The following TGFB3 variants were observed in gnomAD, a reference collection of about 807,000 sequenced individuals.
TGFB3 encodes the protein transforming growth factor beta-3 proprotein.
Under a neutral mutation model 40.1 loss-of-function variants are expected in TGFB3, and 5 were observed. That is an observed-to-expected ratio of 0.12 (90% CI 0.07 to 0.26). TGFB3 has a LOEUF of 0.26. Ranked by LOEUF, TGFB3 falls within the 10% of genes least tolerant of loss-of-function variation. The probability of loss-of-function intolerance (pLI) is 1.00; values close to 1 mark genes in which losing one functional copy is unlikely to be tolerated. For missense variants in TGFB3, 373 were observed against 530.1 expected (o/e 0.70, Z 2.91); for synonymous variants, 184 against 205.6 (o/e 0.89, Z 0.90).
rs775486607 is a variant in TGFB3 at position 75,965,695 on chromosome 14, T to C, written c.647A>G (p.Glu216Gly). ...DTVREWLLRR[E>G]SNLGLEISIH... ...GCTGATTTCTAGACCTAAGTTGGACTCTGCAAAATAAGACAGAATTAGTGA... is the reference window on the plus strand; with the variant it reads ...GCTGATTTCTAGACCTAAGTTGGACCCTGCAAAATAAGACAGAATTAGTGA... The change falls in exon 4 of 7, where the codon GAG becomes GGG. Residue 216 changes from glutamate to glycine, a missense_variant and splice_region_variant. By Grantham distance (98) the Glu-to-Gly change is moderately conservative. Transcript: ENST00000238682. 5 of 1,613,314 alleles carry C rather than the reference T, an allele frequency of 3.1e-6. No individual in the cohort carries two copies. Among genetic ancestry groups the C allele is most frequent in the Non-Finnish European group, 4.2e-6 (5 of 1,179,218 alleles).
At chr14:75,963,206 G>A in intron 5 of TGFB3, 110 bp downstream of exon 5, 1 of 1,214,888 alleles carries the variant, frequency 8.2e-7, no homozygotes, top group Non-Finnish European at 1.2e-6. Context: ...AGATGTTTGT[G>A]AATAGCATCA....
chr14:75,966,080 GGA>G (rs1484539706), intron 3 of TGFB3: 2 of 332,694 alleles, frequency 6.0e-6, no homozygotes, highest in South Asian at 2.5e-5. Flanking sequence ...ATGGTTTTTG[GGA>G]GAGGGGATCG....
rs2035180646 is a variant in TGFB3 at position 75,963,335 on chromosome 14, C to G, written c.907G>C (p.Asp303His). 6.2e-7 allele frequency: 1 copy of G among 1,614,112 alleles called. No individual in the cohort carries two copies. Among genetic ancestry groups the G allele is most frequent in the East Asian group, 2.2e-5 (1 of 44,880 alleles). ...TCTCACCGGAAGCAGTAATTGGTGT[C>G]CAAAGCCCGCTTCTTCCTCTGACCC... ...QGGQRKKRAL[D>H]TNYCFRNLEE... The change falls in exon 5 of 7, where the codon GAC (aspartate) becomes CAC (histidine). Residue 303 changes from aspartate to histidine, a missense_variant. Transcript: ENST00000238682.
Position 75,979,088 on chromosome 14 carries a change from A to G in TGFB3, c.352+1454T>C, listed in dbSNP as rs2035389884. Among the ~76,000 whole-genome samples the G allele has an allele frequency of 6.6e-6, 1 of 152,140 alleles. No individual in the cohort carries two copies. The highest frequency in any genetic ancestry group is 2.1e-4 in the South Asian group (1 of 4,826). On this transcript the variant is annotated intron_variant, in intron 1 of 6. Transcript: ENST00000238682. This position sits in a 1 kb window ranked among gnomAD's most constrained non-coding sequence, Gnocchi z 4.8. ...CACCCAGAGACCCTGGGCAGGGAGT[A>G]GTAGCTCTGCATCGGCCTCCAGCCT...
chr14:75,981,956 CCT>C lies in TGFB3; in HGVS notation c.-1065_-1064del, dbSNP rs917254206. On this transcript the variant is annotated 5_prime_UTR_variant, in exon 1 of 7. An upstream open reading frame in the 5' UTR loses its in-frame stop. Transcript: ENST00000238682. The surrounding 1 kb of genome is among the most constrained non-coding windows in gnomAD (Gnocchi z 4.7). ...TCTCCCTCTCCCTCTCGCTCCTCTC[CCT>C]CTCTCTCTCACACACACACACATGC... 1.3e-5 allele frequency among the ~76,000 whole-genome samples: 2 copies of C among 151,370 alleles called. No individual in the cohort carries two copies. The highest frequency in any genetic ancestry group is 2.9e-5 in the Non-Finnish European group (2 of 67,846).
rs547543433 is a variant in TGFB3 at position 75,979,701 on chromosome 14, C to G, written c.352+841G>C. Among the ~76,000 whole-genome samples, 1 of 150,366 alleles carries G rather than the reference C, an allele frequency of 6.7e-6. No individual in the cohort carries two copies. ...ACGGCAGGCTCCCAGACATATCCCC[C>G]CCCCCCACCATGCACCCACTGCCAC... On this transcript the variant is annotated intron_variant, in intron 1 of 6. Transcript: ENST00000238682. This position sits in a 1 kb window ranked among gnomAD's most constrained non-coding sequence, Gnocchi z 4.8.
Position 75,971,247 on chromosome 14 carries a change from C to G in TGFB3, c.525G>C (p.Arg175=), listed in dbSNP as rs143617644. The part of the protein sequence containing the change: ...EQRIELFQIL[R]PDEHIAKQRY... ...GCTGTTTGGCAATGTGCTCATCTGG[C>G]CGAAGGATCTACAGGGCAGAGAAAG... Residue 175 remains arginine (R), a synonymous_variant, in exon 3 of 7, where the codon CGG becomes CGC. Transcript: ENST00000238682. The surrounding 1 kb of genome is among the most constrained non-coding windows in gnomAD (Gnocchi z 4.5). The G allele has an allele frequency of 4.3e-6, 7 of 1,613,980 alleles. No homozygotes were observed. In the African/African-American group the frequency reaches 9.3e-5, roughly 22 times the overall value.
intron 4 of TGFB3, among the ~76,000 whole-genome samples, chr14:75,964,861 G>T (rs1473554901): frequency 6.6e-6 from 1 of 152,156 alleles, no homozygotes; most frequent in Non-Finnish European, 1.5e-5. Flanking sequence ...TCACTGTCCA[G>T]CGCTGAGCCA....
chr14:75,960,777 C>A, intron 6 of TGFB3, 146 bp downstream of exon 6: 2 of 1,066,124 alleles, frequency 1.9e-6, no homozygotes, highest in Admixed American at 2.1e-5. Flanking sequence ...AGTCAGGGTG[C>A]CAAGATCAGA....
chr14:75,961,776 A>G (rs1216401153), intron 5 of TGFB3, among the ~76,000 whole-genome samples: 4 of 152,174 alleles, frequency 2.6e-5, no homozygotes, highest in Admixed American at 2.6e-4. Context: ...GGCAGACACC[A>G]TTGGTTATCT....
Position 75,980,795 on chromosome 14 carries a change from G to A in TGFB3, c.99C>T (p.Gly33=), listed in dbSNP as rs757663439. ...CTTCCACCCTCTTCTTCTTGATGTG[G>A]CCGAAGTCCAAGGTGGTGCAAGTGG... ...SLSTCTTLDF[G]HIKKKRVEAI... Residue 33 remains glycine, a synonymous_variant, in exon 1 of 7, where the codon GGC becomes GGT. Transcript: ENST00000238682. This position sits in a 1 kb window ranked among gnomAD's most constrained non-coding sequence, Gnocchi z 4.3. 1 of 1,614,170 alleles carries A rather than the reference G, an allele frequency of 6.2e-7. No individual in the cohort carries two copies. The highest frequency in any genetic ancestry group is 8.5e-7 in the Non-Finnish European group (1 of 1,180,032).
At chr14:75,963,048 G>C in intron 5 of TGFB3, 1 of 562,928 alleles carries the variant, frequency 1.8e-6, no homozygotes, top group East Asian at 3.1e-5. Flanking sequence ...AACTATTTTA[G>C]CAACACTCCT....
intron 6 of TGFB3, 86 bp from the exon 7 acceptor site, chr14:75,959,431 C>A: frequency 6.4e-7 from 1 of 1,557,820 alleles, no homozygotes; most frequent in African/African-American, 1.4e-5. Flanking sequence ...GGGGCAGTCC[C>A]AGAAGCTGAG....
At chr14:75,964,531 C>T (rs1456882999) in intron 4 of TGFB3, among the ~76,000 whole-genome samples, 6 of 152,076 alleles carry the variant, frequency 3.9e-5, no homozygotes, top group Non-Finnish European at 7.4e-5. Context: ...ATCGATTTTG[C>T]GAAGGACAGC....
chr14:75,963,040 C>G, intron 5 of TGFB3: 1 of 548,056 alleles, frequency 1.8e-6, no homozygotes, highest in East Asian at 3.3e-5. Flanking sequence ...CCAATCCAAA[C>G]TATTTTAGCA....
intron 4 of TGFB3, among the ~76,000 whole-genome samples, chr14:75,963,804 C>T (rs561507958): frequency 1.6e-4 from 25 of 152,288 alleles, no homozygotes; most frequent in African/African-American, 5.8e-4. Flanking sequence ...TAGGAATCTT[C>T]ATGGACCTAT....
intron 1 of TGFB3, among the ~76,000 whole-genome samples, chr14:75,973,617 G>C (rs1050484140): frequency 2.0e-5 from 3 of 152,238 alleles, no homozygotes; most frequent in African/African-American, 7.2e-5. Flanking sequence ...TGAAGGAGCT[G>C]TTATTGATAT....
At chr14:75,973,850 A>T (rs952482170) in intron 1 of TGFB3, among the ~76,000 whole-genome samples, 1 of 152,252 alleles carries the variant, frequency 6.6e-6, no homozygotes, top group African/African-American at 2.4e-5. Context: ...TGTAAAAAGA[A>T]GGGAGATGGG....
At position 75,978,855 on chromosome 14, in the gene TGFB3, ACTC is replaced by A. The variant is rs1230998028; in HGVS notation, c.352+1684_352+1686del. Among the ~76,000 whole-genome samples the A allele has an allele frequency of 6.7e-6, 1 of 149,966 alleles. No homozygotes were observed. Among genetic ancestry groups the A allele is most frequent in the Non-Finnish European group, 1.5e-5 (1 of 67,390 alleles). On this transcript the variant is annotated intron_variant, in intron 1 of 6. Coordinates refer to ENST00000238682, the MANE Select transcript of TGFB3 (RefSeq NM_003239.5). The surrounding 1 kb of genome is among the most constrained non-coding windows in gnomAD (Gnocchi z 5.0). ...TGACTCAGAATGCTTCCTCCCTTGG[ACTC>A]CTCCTGCTGACCCAGACCATGAAGG...
Sources: gnomAD v4.1 joint callset for allele counts (sites outside exome capture counted in the v4.1 genomes callset) on GRCh38, gnomAD v4.1.1 for gene constraint, Gnocchi (gnomAD v3.1) non-coding constraint, MANE v1.5 for transcripts, NCBI Gene and HGNC (gene_info 2026-07-23, HGNC 2026-07-21) for gene names.